Variants in GPATCH2 observed in about 807,000 individuals in gnomAD.
GPATCH2 encodes the protein G patch domain-containing protein 2.
In GPATCH2, 51 loss-of-function variants were observed where a neutral mutation model predicts 58.0. That is an observed-to-expected ratio of 0.88 (90% CI 0.70 to 1.11). The LOEUF is 1.11. Ranked by LOEUF, GPATCH2 falls within the 50% of genes most tolerant of loss-of-function variation. The probability of loss-of-function intolerance (pLI) is 0.00; values close to 1 mark genes in which losing one functional copy is unlikely to be tolerated. For synonymous variants in GPATCH2, 222 were observed against 218.5 expected (o/e 1.02, Z -0.14); for missense variants, 625 against 652.2 (o/e 0.96, Z 0.45).
chr1:217,486,268 TTTGA>T (rs1255763843), intron 8 of GPATCH2, among the ~76,000 whole-genome samples: 1 of 152,240 alleles, frequency 6.6e-6, no homozygotes, highest in African/African-American at 2.4e-5. Flanking sequence ...CTATATCTAT[TTTGA>T]TTAATATTTA....
rs1238519742 is a variant in GPATCH2 at position 217,492,874 on chromosome 1, T to C, written c.1207-1124A>G. On this transcript the variant is annotated intron_variant, in intron 7 of 9. Transcript: ENST00000366935. Reference sequence around the variant, plus strand: ...ATTAATGGGACTAGCTCTCAGTAGGTATTATCTGACCAGTATCAATAATTT... The same window carrying C: ...ATTAATGGGACTAGCTCTCAGTAGGCATTATCTGACCAGTATCAATAATTT... 2.6e-5 allele frequency among the ~76,000 whole-genome samples: 4 copies of C among 152,298 alleles called. No homozygotes were observed. In the East Asian group the frequency reaches 7.7e-4, roughly 29 times the overall value.
chr1:217,482,608 G>A (rs1661262136), intron 8 of GPATCH2, among the ~76,000 whole-genome samples: 1 of 152,042 alleles, frequency 6.6e-6, no homozygotes. Flanking sequence ...AAGCCACAAG[G>A]GGTGAGTCAC....
chr1:217,528,278 C>G (rs1259401371), intron 5 of GPATCH2, among the ~76,000 whole-genome samples: 1 of 152,174 alleles, frequency 6.6e-6, no homozygotes, highest in Non-Finnish European at 1.5e-5. Flanking sequence ...TCATCAGACT[C>G]TGTTAAGGGT....
At chr1:217,611,175 T>C (rs1291901564) in intron 3 of GPATCH2, 104 bp from the exon 4 acceptor site, 6 of 1,057,628 alleles carry the variant, frequency 5.7e-6, no homozygotes, top group Non-Finnish European at 8.2e-6. Flanking sequence ...GCAGTTAAAT[T>C]TGAATTTGAG....
rs761336891 is a variant in GPATCH2, at chr1:217,581,015, CAAAAAA to C, written c.1098+29300_1098+29305del. On this transcript the variant is annotated intron_variant, in intron 5 of 9. Coordinates refer to ENST00000366935, the MANE Select transcript of GPATCH2 (RefSeq NM_018040.5). ...TGGGCGACAGAGCGAGACTCCGTCT[CAAAAAA>C]AAAAAAAAAAAAAAAGAAAGGCAGA... is the stretch of plus-strand genomic sequence containing the variant. Among the ~76,000 whole-genome samples the C allele has an allele frequency of 1.5e-4, 4 of 26,274 alleles. 1 individual carries two copies. The highest frequency in any genetic ancestry group is 2.8e-4 in the Non-Finnish European group (4 of 14,074). 17.2% of individuals were successfully genotyped at this position (26,274 alleles called of 152,430 possible).
At chr1:217,513,409 A>C (rs1250772947) in intron 6 of GPATCH2, among the ~76,000 whole-genome samples, 1 of 152,200 alleles carries the variant, frequency 6.6e-6, no homozygotes, top group African/African-American at 2.4e-5. Context: ...CTGAACAATA[A>C]TCTCTATTTT....
intron 5 of GPATCH2, among the ~76,000 whole-genome samples, chr1:217,567,024 A>T (rs1000298685): frequency 1.3e-4 from 20 of 149,570 alleles, no homozygotes; most frequent in African/African-American, 4.4e-4. Flanking sequence ...CTAAAACATC[A>T]CTCAGCAAAT....
chr1:217,628,683 A>T (rs1232942506), intron 1 of GPATCH2, among the ~76,000 whole-genome samples: 2 of 86,048 alleles, frequency 2.3e-5, no homozygotes, highest in African/African-American at 3.8e-5. Context: ...TAATAAAGTT[A>T]AAAAAAAAAA....
At chr1:217,563,493 T>C (rs989578228) in intron 5 of GPATCH2, among the ~76,000 whole-genome samples, 6 of 152,190 alleles carry the variant, frequency 3.9e-5, no homozygotes, top group African/African-American at 1.2e-4. Flanking sequence ...TTCAGTCCTA[T>C]ATATCCACAA....
intron 5 of GPATCH2, among the ~76,000 whole-genome samples, chr1:217,591,430 C>G (rs4523580): frequency 0.22 from 33,504 of 151,934 alleles, 4,392 homozygotes; most frequent in East Asian, 0.52. Flanking sequence ...ATTTCTGTCT[C>G]TAGGATGAAT....
intron 1 of GPATCH2, among the ~76,000 whole-genome samples, chr1:217,623,778 T>C (rs1413234050): frequency 2.0e-5 from 3 of 151,938 alleles, no homozygotes; most frequent in Non-Finnish European, 4.4e-5. Flanking sequence ...GGTGGGTGCC[T>C]GTAATCCTAG....
chr1:217,620,738 C>T (rs140257398), intron 1 of GPATCH2, among the ~76,000 whole-genome samples: 1 of 152,196 alleles, frequency 6.6e-6, no homozygotes, highest in African/African-American at 2.4e-5. Flanking sequence ...AGCTTATGAG[C>T]AATGAAAGAT....
chr1:217,507,563 C>T (rs1662623531), intron 6 of GPATCH2, among the ~76,000 whole-genome samples: 1 of 152,062 alleles, frequency 6.6e-6, no homozygotes, highest in African/African-American at 2.4e-5. Flanking sequence ...TAACCACTCT[C>T]AGTATTTGTA....
At chr1:217,465,162 CT>C (rs1471121473) in intron 8 of GPATCH2, among the ~76,000 whole-genome samples, 2 of 150,286 alleles carry the variant, frequency 1.3e-5, no homozygotes, top group African/African-American at 4.9e-5. Context: ...TGATGGAGAA[CT>C]AGAATATGAA....
intron 5 of GPATCH2, among the ~76,000 whole-genome samples, chr1:217,560,634 A>G (rs181065267): frequency 1.3e-5 from 2 of 152,332 alleles, no homozygotes; most frequent in African/African-American, 4.8e-5. Context: ...TGAACCTCCA[A>G]TTCTGTAGGT....
At chr1:217,567,391 G>C (rs1018901778) in intron 5 of GPATCH2, among the ~76,000 whole-genome samples, 2 of 152,068 alleles carry the variant, frequency 1.3e-5, no homozygotes, top group Non-Finnish European at 2.9e-5. Flanking sequence ...AAGAGTATTG[G>C]CCCTTCTTTT....
intron 5 of GPATCH2, among the ~76,000 whole-genome samples, chr1:217,550,475 C>A (rs1351192158): frequency 6.6e-6 from 1 of 151,794 alleles, no homozygotes; most frequent in Non-Finnish European, 1.5e-5. Context: ...GAAAAAAAAT[C>A]TAGGAATAGT....
At chr1:217,478,949 C>T (rs1436791188) in intron 8 of GPATCH2, among the ~76,000 whole-genome samples, 1 of 151,814 alleles carries the variant, frequency 6.6e-6, no homozygotes, top group Non-Finnish European at 1.5e-5. Context: ...GTGGAAATCT[C>T]ATAGGCCAGG....
chr1:217,584,061 G>C (rs930314187), intron 5 of GPATCH2, among the ~76,000 whole-genome samples: 9 of 151,830 alleles, frequency 5.9e-5, no homozygotes, highest in Admixed American at 2.6e-4. Context: ...TGAAATATAA[G>C]ATGAAAGGTG....
Sources: allele counts gnomAD v4.1 joint callset (sites outside exome capture counted in the v4.1 genomes callset), GRCh38; gene constraint gnomAD v4.1.1; transcripts MANE v1.5; gene names NCBI Gene and HGNC (gene_info 2026-07-23, HGNC 2026-07-21).